The following MYH14 variants were observed in gnomAD, a reference collection of about 807,000 sequenced individuals.
The protein encoded by MYH14 is myosin heavy chain 14, also known as myosin-14.
A neutral mutation model predicts 255.5 loss-of-function variants in MYH14; 123 were observed. The ratio of observed to expected loss-of-function variants is 0.48; its 90% CI spans 0.42 to 0.56. The LOEUF (loss-of-function observed/expected upper bound fraction) is 0.56, where lower values mean the gene tolerates loss of function less well. MYH14 is among the 20% of genes least tolerant of loss of function. The probability of loss-of-function intolerance (pLI) is 0.00; values close to 1 mark genes in which losing one functional copy is unlikely to be tolerated. For missense variants in MYH14, 2,423 were observed against 2,802.3 expected (o/e 0.86, Z 3.06); for synonymous variants, 1,095 against 1,161.2 (o/e 0.94, Z 1.16).
rs560302233 is a variant in MYH14 at position 50,230,514 on chromosome 19, G to C, written c.875-11G>C. The stretch of plus-strand genomic sequence containing the variant: ...CCCTTCCCCTCTAGCACCTTGACTC[G>C]CTGTGTCCAGACCTGCTGGAGAAGT... On this transcript the variant is annotated splice_polypyrimidine_tract_variant and intron_variant, in intron 8 of 42. Coordinates refer to ENST00000642316, the MANE Select transcript of MYH14 (RefSeq NM_001145809.2). This position sits in a 1 kb window ranked among gnomAD's most constrained non-coding sequence, Gnocchi z 4.7. The C allele has an allele frequency of 9.6e-6, 15 of 1,554,966 alleles. No homozygotes were observed. In the South Asian group the frequency reaches 1.4e-4, roughly 15 times the overall value.
In MYH14 at chr19:50,275,235, G is replaced by A. The variant is rs117620895; in HGVS notation, c.3468-756G>A. Among the ~76,000 whole-genome samples the A allele has an allele frequency of 3.1e-3, 466 of 152,250 alleles. 1 individual carries two copies. Among genetic ancestry groups the A allele is most frequent in the Middle Eastern group, 3.4e-3 (1 of 294 alleles). On this transcript the variant is annotated intron_variant, in intron 27 of 42. Transcript: ENST00000642316. ...GTGGCTCCTGAACCATTAACCCCCA[G>A]GTCCCAGTTGGTGCTGCCCCCAGAT... is the stretch of plus-strand genomic sequence containing the variant.
chr19:50,309,553 C>G (rs2036776873), intron 42 of MYH14, 87 bp from the exon 43 acceptor site: 2 of 831,230 alleles, frequency 2.4e-6, no homozygotes, highest in African/African-American at 1.7e-5. Context: ...CTCTCTCTCT[C>G]CCCCTCATCT....
In MYH14 at chr19:50,291,134, ACCCCTCGC is replaced by A. The variant is rs1469192971; in HGVS notation, c.5127+87_5127+94del. ...ACTCCAGGGTCTAAGGCTAGCTCGGACCCCTCGCTCTCAACCCACAGGCAGCATCCGCA... is the reference window on the plus strand; with the variant it reads ...ACTCCAGGGTCTAAGGCTAGCTCGGATCTCAACCCACAGGCAGCATCCGCA... On this transcript the variant is annotated intron_variant, in intron 36 of 42. Transcript: ENST00000642316. 25 of 1,372,942 alleles carry A rather than the reference ACCCCTCGC, an allele frequency of 1.8e-5. No homozygotes were observed. In the Admixed American group the frequency reaches 3.0e-4, roughly 17 times the overall value. 85.0% of individuals were successfully genotyped at this position (1,372,942 alleles called of 1,614,324 possible).
At chr19:50,304,298 G>A (rs1021783658) in intron 40 of MYH14, among the ~76,000 whole-genome samples, 2 of 152,146 alleles carry the variant, frequency 1.3e-5, no homozygotes, top group Non-Finnish European at 2.9e-5. Context: ...TATTAAGAGT[G>A]TACTGTTGGG....
chr19:50,264,055 C>CAA (rs34015428), intron 22 of MYH14, among the ~76,000 whole-genome samples: 21 of 33,180 alleles, frequency 6.3e-4, no homozygotes, highest in East Asian at 2.0e-3. Flanking sequence ...AACTCTGTCT[C>CAA]AAAAAAAAAA....
intron 24 of MYH14, among the ~76,000 whole-genome samples, chr19:50,271,185 C>T (rs1037612399): frequency 1.3e-5 from 2 of 152,114 alleles, no homozygotes; most frequent in Non-Finnish European, 2.9e-5. Context: ...GTGCCTAGAA[C>T]CGTGCCTGGC....
At chr19:50,227,240 C>T (rs1205603601) in intron 8 of MYH14, among the ~76,000 whole-genome samples, 1 of 152,006 alleles carries the variant, frequency 6.6e-6, no homozygotes, top group East Asian at 1.9e-4. Flanking sequence ...CATGGTGACC[C>T]ATGACAGTGA....
At chr19:50,234,971 A>G (rs1202178835) in intron 10 of MYH14, among the ~76,000 whole-genome samples, 2 of 152,190 alleles carry the variant, frequency 1.3e-5, no homozygotes, top group African/African-American at 4.8e-5. Context: ...AAGAAAAGAC[A>G]CATATTATTT....
At chr19:50,224,749 G>A (rs2123209417) in intron 6 of MYH14, 1 of 453,790 alleles carries the variant, frequency 2.2e-6, no homozygotes. Context: ...ATTTTTTGAA[G>A]GCCTATTATA....
chr19:50,263,654 AG>A (rs1022647085), intron 22 of MYH14, among the ~76,000 whole-genome samples: 6 of 152,322 alleles, frequency 3.9e-5, no homozygotes, highest in African/African-American at 1.4e-4. Context: ...ACCTGGATCC[AG>A]GGGTCCCCAA....
chr19:50,257,414 C>G lies in MYH14; in HGVS notation c.2160C>G (p.Ser720Arg), dbSNP rs1410789508. ...TVGQLYKESL[S>R]RLMATLSNTN... ...GACAGCTCTACAAGGAGTCCCTGAG[C>G]CGCCTCATGGCCACACTCAGCAACA... The change falls in exon 18 of 43, where the codon AGC becomes AGG. Residue 720 changes from serine (S) to arginine (R), a missense_variant. Coordinates refer to ENST00000642316, the MANE Select transcript of MYH14 (RefSeq NM_001145809.2). 1 of 1,607,392 alleles carries G rather than the reference C, an allele frequency of 6.2e-7. No homozygotes were observed. Among genetic ancestry groups the G allele is most frequent in the Non-Finnish European group, 8.5e-7 (1 of 1,176,928 alleles).
rs769638110 is a variant in MYH14, at chr19:50,309,121, C to T, written c.5904C>T (p.Val1968=). ...RRRLQRELED[V]TESAESMNRE... is the part of the protein sequence containing the mutation. Reference sequence around the variant, plus strand: ...GGCTGCAGCGTGAGCTGGAAGATGTCACAGAGTCGGCCGAGTCCATGAACC... The same window carrying T: ...GGCTGCAGCGTGAGCTGGAAGATGTTACAGAGTCGGCCGAGTCCATGAACC... Residue 1968 remains valine, a synonymous_variant, in exon 42 of 43, where the codon GTC becomes GTT. Coordinates refer to ENST00000642316, the MANE Select transcript of MYH14 (RefSeq NM_001145809.2). 1.2e-6 allele frequency: 2 copies of T among 1,613,896 alleles called. No homozygotes were observed. The highest frequency in any genetic ancestry group is 4.5e-5 in the East Asian group (2 of 44,872).
At chr19:50,242,295 A>G (rs1232418249) in intron 10 of MYH14, among the ~76,000 whole-genome samples, 1 of 152,228 alleles carries the variant, frequency 6.6e-6, no homozygotes, top group South Asian at 2.1e-4. Context: ...TGTATTAGTC[A>G]TGCTGCTGAT....
chr19:50,258,733 A>AAC (rs1555767749), intron 18 of MYH14: 17 of 46,542 alleles, frequency 3.7e-4, no homozygotes, highest in South Asian at 8.7e-4. Context: ...AAAAAAAAAA[A>AAC]AAAAAAAAAA....
At chr19:50,249,455 C>T in intron 13 of MYH14, 195 bp from the exon 14 acceptor site, 1 of 662,150 alleles carries the variant, frequency 1.5e-6, no homozygotes, top group Non-Finnish European at 2.5e-6. Flanking sequence ...GTCTCTGGGT[C>T]TCTGTCCCCT....
In MYH14 at chr19:50,266,002, C is replaced by T. The variant is rs77695944; in HGVS notation, c.2695-875C>T. ...ATTTGAGAAATGTGAATGATACCTG[C>T]GAAAGATGCAAGGAGTCGGGGCAGA... is the stretch of plus-strand genomic sequence containing the variant. On this transcript the variant is annotated intron_variant, in intron 22 of 42. Transcript: ENST00000642316. The surrounding 1 kb of genome is among the most constrained non-coding windows in gnomAD (Gnocchi z 4.1). Among the ~76,000 whole-genome samples the T allele has an allele frequency of 2.0e-5, 3 of 151,862 alleles. No homozygotes were observed. Among genetic ancestry groups the T allele is most frequent in the South Asian group, 2.1e-4 (1 of 4,820 alleles).
Position 50,230,453 on chromosome 19 carries a change from C to CTCCTGT in MYH14, c.875-72_875-71insTCCTGT. The CTCCTGT allele has an allele frequency of 7.4e-7, 1 of 1,346,680 alleles. No homozygotes were observed. The allele number at this position is 1,346,680 out of a possible 1,614,324, so 83.4% of individuals were successfully genotyped here. Reference sequence around the variant, plus strand: ...AGAGAAGGGGGCAGCGTGGGCAGGGCAGGCTCCTGTAGTGGCCTGGCAGCG... The same window carrying CTCCTGT: ...AGAGAAGGGGGCAGCGTGGGCAGGGCTCCTGTAGGCTCCTGTAGTGGCCTGGCAGCG... On this transcript the variant is annotated intron_variant, in intron 8 of 42. Coordinates refer to ENST00000642316, the MANE Select transcript of MYH14 (RefSeq NM_001145809.2). This position sits in a 1 kb window ranked among gnomAD's most constrained non-coding sequence, Gnocchi z 4.7.
chr19:50,223,460 C>G (rs12460355), intron 5 of MYH14, 111 bp downstream of exon 5: 3 of 792,814 alleles, frequency 3.8e-6, no homozygotes, highest in Non-Finnish European at 4.3e-6. Context: ...TTCTCCTAGA[C>G]GCCTATGCCA....
chr19:50,219,034 G>A (rs2032656454), intron 3 of MYH14, among the ~76,000 whole-genome samples: 1 of 145,070 alleles, frequency 6.9e-6, no homozygotes, highest in African/African-American at 2.5e-5. Flanking sequence ...TACACACCAT[G>A]GGATATATAC....
Sources: allele counts gnomAD v4.1 joint callset (sites outside exome capture counted in the v4.1 genomes callset), GRCh38; gene constraint gnomAD v4.1.1; non-coding constraint Gnocchi (gnomAD v3.1); transcripts MANE v1.5; gene names NCBI Gene and HGNC (gene_info 2026-07-23, HGNC 2026-07-21).